The following BMPR1B variants were observed in gnomAD, a reference collection of about 807,000 sequenced individuals.
BMPR1B encodes the protein bone morphogenetic protein receptor type-1B.
In BMPR1B, 12 loss-of-function variants were observed where a neutral mutation model predicts 59.1. The observed-to-expected ratio is 0.20, with a 90% CI of 0.13 to 0.33. BMPR1B has a LOEUF of 0.33. BMPR1B is among the 10% of genes least tolerant of loss of function. BMPR1B has a pLI of 1.00. For missense variants in BMPR1B, 550 were observed against 610.9 expected (o/e 0.90, Z 1.05); for synonymous variants, 237 against 207.3 (o/e 1.14, Z -1.23).
intron 2 of BMPR1B, among the ~76,000 whole-genome samples, chr4:94,986,722 CT>C (rs1199365844): frequency 6.6e-6 from 1 of 150,624 alleles, no homozygotes; most frequent in Non-Finnish European, 1.5e-5. Flanking sequence ...ACTGTTTCCT[CT>C]TTTTAAAAAA....
chr4:94,828,571 G>A (rs1295576022), intron 1 of BMPR1B, among the ~76,000 whole-genome samples: 3 of 152,188 alleles, frequency 2.0e-5, no homozygotes, highest in Non-Finnish European at 4.4e-5. Flanking sequence ...CTTCCAGTAT[G>A]TGAATGTGTA....
At chr4:94,992,533 A>C (rs1721817713) in intron 2 of BMPR1B, among the ~76,000 whole-genome samples, 1 of 152,230 alleles carries the variant, frequency 6.6e-6, no homozygotes, top group Non-Finnish European at 1.5e-5. Flanking sequence ...AAAAGGTAAA[A>C]ACATAACCAT....
intron 3 of BMPR1B, among the ~76,000 whole-genome samples, chr4:95,038,326 A>G (rs1382850739): frequency 2.0e-5 from 3 of 152,182 alleles, no homozygotes; most frequent in Non-Finnish European, 4.4e-5. Context: ...GGATTTTGCA[A>G]GGACATCATA....
At chr4:95,010,816 A>G (rs1016615454) in intron 3 of BMPR1B, among the ~76,000 whole-genome samples, 3 of 152,146 alleles carry the variant, frequency 2.0e-5, no homozygotes, top group Non-Finnish European at 4.4e-5. Flanking sequence ...AAGGATCAAA[A>G]TGGGTTGACA....
rs546188159 is a variant in BMPR1B at position 94,928,173 on chromosome 4, T to G, written c.-113+52273T>G. ...TTTTCTGTTTTATTGTATTTTTTTT[T>G]TTTTTAGAAAGAGAAATAAAGCTAT... On this transcript the variant is annotated intron_variant, in intron 2 of 12. Coordinates refer to ENST00000515059, the MANE Select transcript of BMPR1B (RefSeq NM_001203.3). 2.0e-5 allele frequency among the ~76,000 whole-genome samples: 3 copies of G among 151,932 alleles called. No individual in the cohort carries two copies. In the East Asian group the frequency reaches 5.8e-4, roughly 29 times the overall value.
intron 1 of BMPR1B, among the ~76,000 whole-genome samples, chr4:94,855,923 TAC>T (rs1725737015): frequency 6.6e-6 from 1 of 152,206 alleles, no homozygotes; most frequent in Admixed American, 6.5e-5. Context: ...CATAAATGTG[TAC>T]AGTTAGTATT....
At chr4:94,906,411 A>G (rs981944994) in intron 2 of BMPR1B, among the ~76,000 whole-genome samples, 1 of 152,106 alleles carries the variant, frequency 6.6e-6, no homozygotes, top group African/African-American at 2.4e-5. Context: ...ATATGGGGAA[A>G]AAACAAACAC....
rs1305848208 is a variant in BMPR1B at position 95,154,564 on chromosome 4, G to C, written c.1400G>C (p.Gly467Ala). 2.3e-5 allele frequency: 37 copies of C among 1,614,098 alleles called. No homozygotes were observed. The highest frequency in any genetic ancestry group is 3.1e-5 in the Non-Finnish European group (37 of 1,179,988). The part of the protein sequence containing the change: ...WSSDECLRQM[G>A]KLMTECWAHN... Reference sequence around the variant, plus strand: ...CTTCCTCAGTGTCTAAGGCAGATGGGAAAACTCATGACAGAATGCTGGGCT... The same window carrying C: ...CTTCCTCAGTGTCTAAGGCAGATGGCAAAACTCATGACAGAATGCTGGGCT... The change falls in exon 13 of 13, where the codon GGA (glycine) becomes GCA (alanine). Residue 467 changes from glycine to alanine, a missense_variant. Around this residue, in one of 6 missense-constraint regions of BMPR1B, gnomAD observed 123 missense variants for 164.6 expected, o/e 0.75. Coordinates refer to ENST00000515059, the MANE Select transcript of BMPR1B (RefSeq NM_001203.3).
At chr4:95,030,190 C>G (rs1724726625) in intron 3 of BMPR1B, among the ~76,000 whole-genome samples, 1 of 151,970 alleles carries the variant, frequency 6.6e-6, no homozygotes, top group Non-Finnish European at 1.5e-5. Context: ...AAGTCCTTGC[C>G]CATGCCTATG....
chr4:94,925,695 G>C (rs763703688), intron 2 of BMPR1B, among the ~76,000 whole-genome samples: 1 of 152,078 alleles, frequency 6.6e-6, no homozygotes, highest in Non-Finnish European at 1.5e-5. Context: ...ACTTGGACAT[G>C]GTACCGGAGA....
intron 2 of BMPR1B, among the ~76,000 whole-genome samples, chr4:94,936,771 C>T (rs1729318039): frequency 2.6e-5 from 4 of 152,134 alleles, no homozygotes; most frequent in African/African-American, 9.7e-5. Context: ...CAGTCCTTCC[C>T]TTGGCTCTCT....
chr4:94,921,445 T>C (rs1437229850), intron 2 of BMPR1B, among the ~76,000 whole-genome samples: 1 of 152,084 alleles, frequency 6.6e-6, no homozygotes, highest in East Asian at 1.9e-4. Context: ...CAGCATCTGC[T>C]TGGCTTTTGG....
Position 94,891,735 on chromosome 4 carries a change from G to A in BMPR1B, c.-113+15835G>A, listed in dbSNP as rs17022479. 9.9e-3 allele frequency among the ~76,000 whole-genome samples: 1,511 copies of A among 152,032 alleles called. 30 individuals are homozygous for A. Among genetic ancestry groups the A allele is most frequent in the African/African-American group, 0.034 (1,394 of 41,480 alleles). Reference sequence around the variant, plus strand: ...ACATTGCAGATTTATTAATATCTAGGGCTTACCAGATCAGTTACAATTTTG... The same window carrying A: ...ACATTGCAGATTTATTAATATCTAGAGCTTACCAGATCAGTTACAATTTTG... On this transcript the variant is annotated intron_variant, in intron 2 of 12. Transcript: ENST00000515059.
At chr4:94,960,871 C>T (rs1326019603) in intron 2 of BMPR1B, among the ~76,000 whole-genome samples, 1 of 152,014 alleles carries the variant, frequency 6.6e-6, no homozygotes, top group Non-Finnish European at 1.5e-5. Flanking sequence ...ACAGATTTGT[C>T]CTTAAGATGA....
intron 1 of BMPR1B, among the ~76,000 whole-genome samples, chr4:94,855,225 A>G (rs1045735667): frequency 3.9e-4 from 59 of 152,198 alleles, no homozygotes; most frequent in African/African-American, 1.4e-3. Context: ...CTTATCTAAC[A>G]GTTATTATGT....
At chr4:95,028,845 A>G (rs1360342846) in intron 3 of BMPR1B, among the ~76,000 whole-genome samples, 1 of 152,014 alleles carries the variant, frequency 6.6e-6, no homozygotes, top group Non-Finnish European at 1.5e-5. Context: ...ATAGTTAAAA[A>G]TATTAATATA....
chr4:94,780,777 C>T (rs113006134), intron 1 of BMPR1B, among the ~76,000 whole-genome samples: 15,181 of 150,196 alleles, frequency 0.1, 861 homozygotes, highest in South Asian at 0.16. Context: ...CAAGCTCCGC[C>T]TCCCTTGTTC....
At chr4:94,990,599 T>C (rs1012941133) in intron 2 of BMPR1B, among the ~76,000 whole-genome samples, 5 of 152,208 alleles carry the variant, frequency 3.3e-5, no homozygotes, top group Non-Finnish European at 2.9e-5. Context: ...ATATGTAACT[T>C]ACAGTGTAAC....
chr4:94,909,826 T>C (rs1033688409), intron 2 of BMPR1B, among the ~76,000 whole-genome samples: 1 of 152,024 alleles, frequency 6.6e-6, no homozygotes, highest in Non-Finnish European at 1.5e-5. Context: ...CTGGAGATTG[T>C]GGGGCCTATT....
Sources: gnomAD v4.1 joint callset for allele counts (sites outside exome capture counted in the v4.1 genomes callset) on GRCh38, gnomAD v4.1.1 for gene constraint, gnomAD v4.1.1 regional missense constraint, MANE v1.5 for transcripts, NCBI Gene and HGNC (gene_info 2026-07-23, HGNC 2026-07-21) for gene names.